The following NAALADL2 variants were observed in gnomAD, a reference collection of about 807,000 sequenced individuals.
The protein encoded by NAALADL2 is N-acetylated alpha-linked acidic dipeptidase like 2.
A neutral mutation model predicts 87.2 loss-of-function variants in NAALADL2; 76 were observed. The observed-to-expected ratio is 0.87, with a 90% CI of 0.72 to 1.05. The LOEUF (loss-of-function observed/expected upper bound fraction) is 1.05, where lower values mean the gene tolerates loss of function less well. Ranked by LOEUF, NAALADL2 falls within the 50% of genes least tolerant of loss-of-function variation. The probability of loss-of-function intolerance (pLI) is 0.00; values close to 1 mark genes in which losing one functional copy is unlikely to be tolerated. For missense variants in NAALADL2, 1,089 were observed against 945.8 expected (o/e 1.15, Z -1.99); for synonymous variants, 354 against 331.0 (o/e 1.07, Z -0.75).
chr3:175,639,510 C>T (rs1582732297), intron 11 of NAALADL2, among the ~76,000 whole-genome samples: 2 of 151,652 alleles, frequency 1.3e-5, no homozygotes, highest in African/African-American at 4.8e-5. Flanking sequence ...TTAGTAGATA[C>T]GGGGTTTCAC....
At position 175,123,912 on chromosome 3, in the gene NAALADL2, T is replaced by C. The variant is rs183232692; in HGVS notation, c.545+26621T>C. Among the ~76,000 whole-genome samples, 80 of 152,156 alleles carry C rather than the reference T, an allele frequency of 5.3e-4. No individual in the cohort carries two copies. The South Asian group carries it at 5.6e-3, about 11-fold the overall frequency. On this transcript the variant is annotated intron_variant, in intron 2 of 13. Transcript: ENST00000454872. ...AAAGCTATATGTTATTCAATTTTTGTGTTTTTTCTTTTTGTCTAAAAATGT... is the reference window on the plus strand; with the variant it reads ...AAAGCTATATGTTATTCAATTTTTGCGTTTTTTCTTTTTGTCTAAAAATGT...
intron 1 of NAALADL2, among the ~76,000 whole-genome samples, chr3:174,973,893 G>C (rs1281672574): frequency 1.3e-5 from 2 of 152,168 alleles, no homozygotes; most frequent in African/African-American, 4.8e-5. Context: ...TGTGGCATAT[G>C]ATTGTATATC....
chr3:174,979,551 C>T (rs896911144), intron 1 of NAALADL2, among the ~76,000 whole-genome samples: 69 of 151,854 alleles, frequency 4.5e-4, no homozygotes, highest in Non-Finnish European at 7.9e-4. Context: ...GTGATCCGCC[C>T]GCCTCGGCCT....
At chr3:175,233,308 A>G (rs1307623807) in intron 2 of NAALADL2, among the ~76,000 whole-genome samples, 2 of 152,218 alleles carry the variant, frequency 1.3e-5, no homozygotes, top group African/African-American at 2.4e-5. Flanking sequence ...AGATTTTGGA[A>G]TGGACTTTTA....
chr3:175,293,063 A>AAAG (rs200847994), intron 4 of NAALADL2, among the ~76,000 whole-genome samples: 11 of 148,010 alleles, frequency 7.4e-5, no homozygotes, highest in South Asian at 2.2e-4. Flanking sequence ...AAAAAAAAAA[A>AAAG]GGGGGAACTC....
At chr3:175,488,270 AG>A (rs1427234512) in intron 9 of NAALADL2, among the ~76,000 whole-genome samples, 23 of 152,372 alleles carry the variant, frequency 1.5e-4, no homozygotes, top group African/African-American at 5.3e-4. Context: ...AGCACGAATT[AG>A]TTTGAAGACC....
intron 13 of NAALADL2, among the ~76,000 whole-genome samples, chr3:175,769,428 G>A (rs1028982138): frequency 6.6e-6 from 1 of 152,184 alleles, no homozygotes; most frequent in African/African-American, 2.4e-5. Flanking sequence ...CTTGGGCTGA[G>A]ACTGAAAAAT....
At chr3:175,272,234 T>G (rs1042316440) in intron 4 of NAALADL2, among the ~76,000 whole-genome samples, 1 of 152,174 alleles carries the variant, frequency 6.6e-6, no homozygotes, top group African/African-American at 2.4e-5. Context: ...TATGGCAAAT[T>G]CTATACTTTT....
chr3:174,954,992 TCTC>T (rs1278706884), intron 1 of NAALADL2, among the ~76,000 whole-genome samples: 1 of 152,066 alleles, frequency 6.6e-6, no homozygotes, highest in Non-Finnish European at 1.5e-5. Context: ...TTTTTTAAAG[TCTC>T]CTTATAAAAA....
intron 4 of NAALADL2, among the ~76,000 whole-genome samples, chr3:175,281,632 G>A (rs545107473): frequency 6.6e-6 from 1 of 151,926 alleles, no homozygotes; most frequent in African/African-American, 2.4e-5. Context: ...AACATTATCA[G>A]ACTTCACATG....
chr3:174,922,063 T>C (rs140336382), intron 1 of NAALADL2, among the ~76,000 whole-genome samples: 2 of 152,046 alleles, frequency 1.3e-5, no homozygotes, highest in African/African-American at 2.4e-5. Flanking sequence ...TCCCAGCAGT[T>C]TGGAGGCCAA....
At chr3:175,022,591 A>G (rs777346590) in intron 1 of NAALADL2, among the ~76,000 whole-genome samples, 9 of 152,162 alleles carry the variant, frequency 5.9e-5, no homozygotes, top group Non-Finnish European at 1.2e-4. Context: ...GGCTGGTTAA[A>G]CCCAGTTGAA....
chr3:175,668,625 A>G (rs1733532289), intron 11 of NAALADL2, among the ~76,000 whole-genome samples: 1 of 152,130 alleles, frequency 6.6e-6, no homozygotes, highest in Non-Finnish European at 1.5e-5. Flanking sequence ...TCTATGTCCA[A>G]ATCTTAATGA....
intron 5 of NAALADL2, among the ~76,000 whole-genome samples, chr3:175,387,287 A>G (rs1343617575): frequency 6.6e-6 from 1 of 152,144 alleles, no homozygotes; most frequent in Non-Finnish European, 1.5e-5. Context: ...GAGAGATGAC[A>G]GTATTTCATA....
intron 1 of NAALADL2, among the ~76,000 whole-genome samples, chr3:174,966,491 A>G (rs1742892602): frequency 6.6e-6 from 1 of 152,156 alleles, no homozygotes; most frequent in South Asian, 2.1e-4. Flanking sequence ...TAGGAAGAGA[A>G]GTGAGCTGAT....
chr3:175,480,798 A>G (rs1726343608), intron 9 of NAALADL2, among the ~76,000 whole-genome samples: 1 of 151,896 alleles, frequency 6.6e-6, no homozygotes, highest in African/African-American at 2.4e-5. Flanking sequence ...ATAAAGATTC[A>G]CAAGGGTGAT....
chr3:174,610,596 C>A (rs1394878714), intron 2 of NAALADL2, among the ~76,000 whole-genome samples: 2 of 152,076 alleles, frequency 1.3e-5, no homozygotes, highest in Non-Finnish European at 2.9e-5. Context: ...CAGAGAAATG[C>A]AAATCAAAAC....
At chr3:175,743,334 AG>A (rs954744575) in intron 12 of NAALADL2, among the ~76,000 whole-genome samples, 1 of 152,098 alleles carries the variant, frequency 6.6e-6, no homozygotes, top group Admixed American at 6.5e-5. Context: ...TTCAGGGGAG[AG>A]GGCCAGGAGA....
intron 5 of NAALADL2, among the ~76,000 whole-genome samples, chr3:175,423,028 A>AATATAT (rs71634273): frequency 8.1e-5 from 9 of 111,302 alleles, no homozygotes; most frequent in East Asian, 2.8e-4. Context: ...GAAAAAAAAA[A>AATATAT]ATATATATAT....
Sources: allele counts gnomAD v4.1 joint callset (sites outside exome capture counted in the v4.1 genomes callset), GRCh38; gene constraint gnomAD v4.1.1; transcripts MANE v1.5; gene names NCBI Gene and HGNC (gene_info 2026-07-23, HGNC 2026-07-21).